The following CHD6 variants were observed in gnomAD, a reference collection of about 807,000 sequenced individuals.
CHD6 encodes the protein ATP-dependent chromatin remodeler CHD6.
A neutral mutation model predicts 276.9 loss-of-function variants in CHD6; 50 were observed. The observed-to-expected ratio is 0.18, with a 90% CI of 0.14 to 0.23. The LOEUF is 0.23. Among genes scored for constraint, CHD6 ranks in the 10% least tolerant of loss-of-function variants. The probability of loss-of-function intolerance (pLI) is 1.00; values close to 1 mark genes in which losing one functional copy is unlikely to be tolerated. For missense variants in CHD6, 2,564 were observed against 3,365.8 expected (o/e 0.76, Z 5.89); for synonymous variants, 1,173 against 1,229.3 (o/e 0.95, Z 0.96).
At chr20:41,418,549 G>A (rs2047078402) in intron 31 of CHD6, among the ~76,000 whole-genome samples, 1 of 152,014 alleles carries the variant, frequency 6.6e-6, no homozygotes, top group African/African-American at 2.4e-5. Flanking sequence ...TTCAATGGGG[G>A]ACCACCACTG....
intron 23 of CHD6, among the ~76,000 whole-genome samples, chr20:41,449,062 C>G (rs1166357308): frequency 6.6e-6 from 1 of 152,024 alleles, no homozygotes; most frequent in Non-Finnish European, 1.5e-5. Context: ...CCACCACATT[C>G]GGCTAATTTT....
chr20:41,574,215 T>G (rs1161866751), intron 1 of CHD6, among the ~76,000 whole-genome samples: 1 of 151,976 alleles, frequency 6.6e-6, no homozygotes, highest in East Asian at 1.9e-4. Flanking sequence ...AAATGTAAAT[T>G]TTATGTACTT....
chr20:41,535,955 T>C (rs2044821633), intron 2 of CHD6, among the ~76,000 whole-genome samples: 1 of 152,194 alleles, frequency 6.6e-6, no homozygotes. Flanking sequence ...CAGATATTAG[T>C]AATAAAATAT....
chr20:41,445,729 C>G lies in CHD6; in HGVS notation c.3813G>C (p.Glu1271Asp), dbSNP rs146549815. Residue 1271 changes from glutamate (E) to aspartate (D), a missense_variant, in exon 25 of 37, where the codon GAG (glutamate) becomes GAC (aspartate). Coordinates refer to ENST00000373233, the MANE Select transcript of CHD6 (RefSeq NM_032221.5). ...DVPLPDIDYM[E>D]IPVDWWDAEA... ...CAGCATCCCACCAGTCCACTGGGAT[C>G]TCCATGTAGTCGATGTCAGGCAGAG... is the stretch of plus-strand genomic sequence containing the variant. The G allele has an allele frequency of 1.5e-5, 24 of 1,613,682 alleles. No homozygotes were observed. In the African/African-American group the frequency reaches 2.7e-4, roughly 18 times the overall value.
chr20:41,459,121 T>C (rs190304472), intron 17 of CHD6, among the ~76,000 whole-genome samples: 2 of 152,266 alleles, frequency 1.3e-5, no homozygotes, highest in Admixed American at 1.3e-4. Context: ...AATCCTATGT[T>C]TGCCCATAAG....
intron 2 of CHD6, among the ~76,000 whole-genome samples, chr20:41,544,589 T>C (rs769369911): frequency 3.2e-4 from 48 of 151,808 alleles, no homozygotes; most frequent in Non-Finnish European, 6.2e-4. Context: ...GTAACATGAA[T>C]TAAATGAACC....
At chr20:41,416,339 C>G (rs2046995507) in intron 33 of CHD6, among the ~76,000 whole-genome samples, 1 of 152,320 alleles carries the variant, frequency 6.6e-6, no homozygotes, top group Non-Finnish European at 1.5e-5. Context: ...GCCCCCCTAG[C>G]CAAGCTGTAT....
Position 41,420,575 on chromosome 20 carries a change from G to C in CHD6, c.6060C>G (p.Leu2020=). The change falls in exon 31 of 37, where the codon CTC becomes CTG. Residue 2020 remains leucine (L), a synonymous_variant. Coordinates refer to ENST00000373233, the MANE Select transcript of CHD6 (RefSeq NM_032221.5). ...FPTYPLEGSE[L]KSEDMDFENK... ...TCTCAAAATCCATGTCTTCTGATTT[G>C]AGCTCACTTCCTTCAAGAGGATATG... 6.2e-7 allele frequency: 1 copy of C among 1,614,008 alleles called. No homozygotes were observed. The highest frequency in any genetic ancestry group is 8.5e-7 in the Non-Finnish European group (1 of 1,179,984).
Position 41,417,214 on chromosome 20 carries a change from A to G in CHD6, c.6263T>C (p.Phe2088Ser), listed in dbSNP as rs1357279404. The G allele has an allele frequency of 6.2e-7, 1 of 1,613,524 alleles. No homozygotes were observed. Among genetic ancestry groups the G allele is most frequent in the South Asian group, 1.1e-5 (1 of 90,908 alleles). Residue 2088 changes from phenylalanine to serine, a missense_variant, in exon 32 of 37, where the codon TTC becomes TCC. Around this residue, in one of 7 missense-constraint regions of CHD6, gnomAD observed 1,024 missense variants for 1,047.9 expected, o/e 0.98. Transcript: ENST00000373233. ...QLLQEKTLYS[F>S]SEWPKDRVII... Reference sequence around the variant, plus strand: ...CTGGGGTACCTTTGGCCACTCAGAGAAGGAATAGAGAGTTTTCTCCTGTAG... The same window carrying G: ...CTGGGGTACCTTTGGCCACTCAGAGGAGGAATAGAGAGTTTTCTCCTGTAG...
chr20:41,561,229 C>T (rs2045298322), intron 1 of CHD6, among the ~76,000 whole-genome samples: 1 of 152,164 alleles, frequency 6.6e-6, no homozygotes, highest in South Asian at 2.1e-4. Context: ...GAAGTGTTAT[C>T]TTCCCAATAT....
chr20:41,403,892 C>A lies in CHD6; in HGVS notation c.*701G>T. ...AAAGCTTTCTCGCAGCAAGAGGAAT[C>A]TTTTCACTGGTGAGAGGGATGTATA... On this transcript the variant is annotated 3_prime_UTR_variant, in exon 37 of 37. Coordinates refer to ENST00000373233, the MANE Select transcript of CHD6 (RefSeq NM_032221.5). 2 of 1,056,702 alleles carry A rather than the reference C, an allele frequency of 1.9e-6. No individual in the cohort carries two copies. The highest frequency in any genetic ancestry group is 2.3e-6 in the Non-Finnish European group (2 of 873,924). The allele number at this position is 1,056,702 out of a possible 1,614,324, so 65.5% of individuals were successfully genotyped here.
At chr20:41,423,845 T>C in intron 29 of CHD6, 145 bp from the exon 30 acceptor site, 1 of 647,908 alleles carries the variant, frequency 1.5e-6, no homozygotes, top group Middle Eastern at 4.2e-4. Context: ...TTTATTTAAG[T>C]TAAACTGGGC....
intron 16 of CHD6, among the ~76,000 whole-genome samples, chr20:41,476,437 A>G (rs1459173903): frequency 6.6e-6 from 1 of 152,148 alleles, no homozygotes; most frequent in Non-Finnish European, 1.5e-5. Flanking sequence ...CTGAAGGGAA[A>G]TGAACAACTT....
intron 5 of CHD6, among the ~76,000 whole-genome samples, chr20:41,500,360 G>A (rs540097774): frequency 4.6e-5 from 7 of 152,194 alleles, no homozygotes; most frequent in African/African-American, 1.7e-4. Flanking sequence ...TCCCAGGAAA[G>A]TGATGATGGG....
At chr20:41,425,809 C>CA (rs917624368) in intron 28 of CHD6, among the ~76,000 whole-genome samples, 12 of 150,716 alleles carry the variant, frequency 8.0e-5, no homozygotes, top group South Asian at 4.2e-4. Context: ...ACAAAAAAAA[C>CA]AAAAAAAACC....
chr20:41,611,744 T>G (rs6102496), intron 1 of CHD6, among the ~76,000 whole-genome samples: 54,416 of 151,870 alleles, frequency 0.36, 12,745 homozygotes, highest in African/African-American at 0.65. Flanking sequence ...TTCAAGCGAT[T>G]CTCCTGCCTC....
At chr20:41,412,774 C>T (rs2046879859) in intron 35 of CHD6, among the ~76,000 whole-genome samples, 1 of 152,166 alleles carries the variant, frequency 6.6e-6, no homozygotes, top group Non-Finnish European at 1.5e-5. Context: ...GTGCTCGAGT[C>T]CTCTCCTAAA....
rs199683062 is a variant in CHD6, at chr20:41,420,551, C to G, written c.6084G>C (p.Glu2028Asp). The change falls in exon 31 of 37, where the codon GAG becomes GAC. Residue 2028 changes from glutamate (E) to aspartate (D), a missense_variant. Physicochemically the swap from Glu to Asp is conservative, Grantham distance 45. Coordinates refer to ENST00000373233, the MANE Select transcript of CHD6 (RefSeq NM_032221.5). ...SELKSEDMDF[E>D]NKDDYDRDGN... Reference sequence around the variant, plus strand: ...CGTCTCTATCATAATCATCTTTATTCTCAAAATCCATGTCTTCTGATTTGA... The same window carrying G: ...CGTCTCTATCATAATCATCTTTATTGTCAAAATCCATGTCTTCTGATTTGA... 7 of 1,613,650 alleles carry G rather than the reference C, an allele frequency of 4.3e-6. No individual in the cohort carries two copies. Among genetic ancestry groups the G allele is most frequent in the Non-Finnish European group, 2.5e-6 (3 of 1,179,978 alleles).
chr20:41,441,525 A>C (rs1045283798), intron 25 of CHD6, among the ~76,000 whole-genome samples: 1 of 152,064 alleles, frequency 6.6e-6, no homozygotes, highest in Non-Finnish European at 1.5e-5. Context: ...CTGTCCCCTT[A>C]CTACTGAGGG....
Sources: allele counts gnomAD v4.1 joint callset (sites outside exome capture counted in the v4.1 genomes callset), GRCh38; gene constraint gnomAD v4.1.1; regional missense constraint gnomAD v4.1.1; transcripts MANE v1.5; gene names NCBI Gene and HGNC (gene_info 2026-07-23, HGNC 2026-07-21).